The following ODF2 variants were observed in gnomAD, a reference collection of about 807,000 sequenced individuals.
ODF2 encodes outer dense fiber protein 2.
ODF2 carries 47 observed loss-of-function variants against 110.2 expected under a neutral mutation model. That is an observed-to-expected ratio of 0.43 (90% CI 0.34 to 0.54). ODF2 has a LOEUF of 0.54. ODF2 is among the 20% of genes least tolerant of loss of function. ODF2 has a pLI of 0.03. For synonymous variants in ODF2, 352 were observed against 397.7 expected, an observed-to-expected ratio of 0.89 and a Z score of 1.37; for missense variants, 812 against 1,054.5, an observed-to-expected ratio of 0.77 and a Z score of 3.19.
chr9:128,472,350 G>GTTCCA (rs1303536109), intron 6 of ODF2, among the ~76,000 whole-genome samples: 1 of 152,144 alleles, frequency 6.6e-6, no homozygotes, highest in African/African-American at 2.4e-5. Flanking sequence ...TGGAATTACA[G>GTTCCA]GTGCCCACTA....
chr9:128,482,218 GA>G (rs1842532342), intron 9 of ODF2, among the ~76,000 whole-genome samples: 1 of 152,242 alleles, frequency 6.6e-6, no homozygotes, highest in South Asian at 2.1e-4. Context: ...GTCTCCAAGA[GA>G]GGGGAGGGAG....
At chr9:128,487,800 ACAAAACACACACACAC>A (rs1373056732) in intron 13 of ODF2, 74 bp from the exon 14 acceptor site, 78 of 1,210,132 alleles carry the variant, frequency 6.4e-5, no homozygotes, top group Non-Finnish European at 8.1e-5. Flanking sequence ...AAACAAACAA[ACAAAACACACACACAC>A]ACACACACAC....
At chr9:128,484,797 A>T in exon 12 of ODF2, 6 of 1,613,592 alleles carry the variant, frequency 3.7e-6, no homozygotes, top group Non-Finnish European at 5.1e-6. Context: ...AGACAAAGAG[A>T]GCTTGAAGAA....
intron 8 of ODF2, 66 bp downstream of exon 8, chr9:128,473,807 T>C (rs1180411598): frequency 1.3e-5 from 19 of 1,475,536 alleles, no homozygotes; most frequent in Non-Finnish European, 1.8e-5. Context: ...CCTTTCTCCT[T>C]GTCTGTAAAA....
At chr9:128,473,131 G>A in intron 7 of ODF2, 89 bp downstream of exon 7, 1 of 1,576,774 alleles carries the variant, frequency 6.3e-7, no homozygotes, top group Non-Finnish European at 8.6e-7. Flanking sequence ...GCGTCATCAG[G>A]CAGACTTTAT....
At chr9:128,458,883 C>A (rs1214832945) in intron 2 of ODF2, among the ~76,000 whole-genome samples, 1 of 151,990 alleles carries the variant, frequency 6.6e-6, no homozygotes, top group Admixed American at 6.6e-5. Context: ...CTCCCTCTGC[C>A]ACCTAGGCTG....
intron 14 of ODF2, among the ~76,000 whole-genome samples, chr9:128,489,385 C>A (rs1373495581): frequency 1.3e-5 from 2 of 152,174 alleles, no homozygotes; most frequent in Non-Finnish European, 2.9e-5. Flanking sequence ...TCTGATTGAA[C>A]CTTGCCTGCA....
rs200240685 is a variant in ODF2 at position 128,460,931 on chromosome 9, C to A, written c.124-11C>A. 1 of 1,614,060 alleles carries A rather than the reference C, an allele frequency of 6.2e-7. No homozygotes were observed. The highest frequency in any genetic ancestry group is 2.2e-5 in the East Asian group (1 of 44,892). On this transcript the variant is annotated splice_polypyrimidine_tract_variant and intron_variant, in intron 3 of 20. Coordinates refer to ENST00000604420, the Ensembl canonical transcript of ODF2. ...GTGTGGAAGTGACCCTGGGTTTGTC[C>A]CTTTCCACAGAAATCTCACAAGCGA...
exon 19 of ODF2, chr9:128,498,486 C>A (rs1202408035): frequency 6.2e-7 from 1 of 1,613,552 alleles, no homozygotes; most frequent in Non-Finnish European, 8.5e-7. Flanking sequence ...GGCAATCCAC[C>A]AGTCCCAGCT....
At chr9:128,483,348 G>A (rs552771315) in intron 10 of ODF2, among the ~76,000 whole-genome samples, 36 of 152,214 alleles carry the variant, frequency 2.4e-4, no homozygotes, top group African/African-American at 8.7e-4. Flanking sequence ...CAATGCAGGA[G>A]GACTCATTGA....
In ODF2 at chr9:128,485,589, T is replaced by G. The variant is rs1588929179; in HGVS notation, c.1400+115T>G. On this transcript the variant is annotated intron_variant, in intron 13 of 20. Transcript: ENST00000604420. This position sits in a 1 kb window ranked among gnomAD's most constrained non-coding sequence, Gnocchi z 5.0. ...GTGGCTGCTGTTTGTACTCTCCGGG[T>G]TGGGGGCTGCACTGGGCTGTGATGT... is the stretch of plus-strand genomic sequence containing the variant. 1.6e-6 allele frequency: 1 copy of G among 640,500 alleles called. No individual in the cohort carries two copies. The highest frequency in any genetic ancestry group is 2.8e-5 in the East Asian group (1 of 35,894). The allele number at this position is 640,500 out of a possible 1,614,324, so 39.7% of individuals were successfully genotyped here.
At chr9:128,456,116 C>G, upstream of ODF2, 1 of 1,547,074 alleles carries the variant, frequency 6.5e-7, no homozygotes, top group South Asian at 1.2e-5. Context: ...GACCGGGTGT[C>G]GGAAAAGGAG....
chr9:128,481,865 T>C (rs940309939), intron 9 of ODF2, among the ~76,000 whole-genome samples: 1 of 152,208 alleles, frequency 6.6e-6, no homozygotes, highest in Non-Finnish European at 1.5e-5. Flanking sequence ...GCCACAAAGC[T>C]GGACACCAAC....
chr9:128,457,286 C>CA, exon 2 of ODF2: 1 of 1,604,776 alleles, frequency 6.2e-7, no homozygotes, highest in East Asian at 2.2e-5. Flanking sequence ...CTTCTCCCCT[C>CA]AGAGAGGACG....
At chr9:128,470,385 C>G (rs1588811139) in intron 5 of ODF2, among the ~76,000 whole-genome samples, 1 of 151,990 alleles carries the variant, frequency 6.6e-6, no homozygotes, top group Middle Eastern at 3.4e-3. Context: ...AATCCTAGCA[C>G]TTTGGGAGAC....
chr9:128,476,606 CGTTTT>C (rs1165971209), intron 8 of ODF2, among the ~76,000 whole-genome samples: 2 of 150,820 alleles, frequency 1.3e-5, no homozygotes, highest in Non-Finnish European at 3.0e-5. Flanking sequence ...TTGTTTGTTT[CGTTTT>C]GTTTTAACAT....
At chr9:128,492,567 A>G in intron 15 of ODF2, 31 bp downstream of exon 15, 2 of 1,555,220 alleles carry the variant, frequency 1.3e-6, no homozygotes, top group Non-Finnish European at 1.8e-6. Context: ...GGCCCTTCTG[A>G]GCAGTGCCCT....
intron 2 of ODF2, among the ~76,000 whole-genome samples, chr9:128,458,178 C>T (rs1056462751): frequency 6.6e-6 from 1 of 152,060 alleles, no homozygotes; most frequent in Non-Finnish European, 1.5e-5. Flanking sequence ...GGGCCAGGTG[C>T]GGTGGCTCAT....
chr9:128,498,711 A>G (rs759801723), intron 19 of ODF2, 136 bp downstream of exon 19: 3 of 649,246 alleles, frequency 4.6e-6, no homozygotes, highest in African/African-American at 3.7e-5. Context: ...TCACATTTTC[A>G]TCGTAGAGGG....
Sources: allele counts gnomAD v4.1 joint callset (sites outside exome capture counted in the v4.1 genomes callset), GRCh38; gene constraint gnomAD v4.1.1; non-coding constraint Gnocchi (gnomAD v3.1); transcripts MANE v1.5; gene names NCBI Gene and HGNC (gene_info 2026-07-23, HGNC 2026-07-21).